The following ERMP1 variants were observed in gnomAD, a reference collection of about 807,000 sequenced individuals.
ERMP1 encodes endoplasmic reticulum metallopeptidase 1.
A neutral mutation model predicts 92.0 loss-of-function variants in ERMP1; 86 were observed. The observed-to-expected ratio is 0.93, with a 90% CI of 0.79 to 1.12. The LOEUF is 1.12. ERMP1 is among the 50% of genes most tolerant of loss of function. The pLI, the probability that ERMP1 is intolerant of heterozygous loss-of-function variation, is 0.00. For missense variants in ERMP1, 1,342 were observed against 1,116.3 expected (o/e 1.20, Z -2.88); for synonymous variants, 530 against 412.8 (o/e 1.28, Z -3.44).
At chr9:5,795,385 C>G (rs577100539) in intron 13 of ERMP1, among the ~76,000 whole-genome samples, 5 of 152,128 alleles carry the variant, frequency 3.3e-5, no homozygotes, top group Non-Finnish European at 5.9e-5. Flanking sequence ...CTAGAAGTCC[C>G]AGATAATGTA....
Position 5,798,930 on chromosome 9 carries a change from A to C in ERMP1, c.2146T>G (p.Tyr716Asp). ...DSGIWINGFD[Y>D]TGISHITPHI... ...GGGGTTATGTGAGAAATTCCAGTAT[A>C]ATCAAACCCATTGATCCATATTCCA... The change falls in exon 12 of 15, where the codon TAT becomes GAT. Residue 716 changes from tyrosine (Y) to aspartate (D), a missense_variant. By Grantham distance (160) the Tyr-to-Asp change is radical. Coordinates refer to ENST00000339450, the MANE Select transcript of ERMP1 (RefSeq NM_024896.3). 1 of 1,613,020 alleles carries C rather than the reference A, an allele frequency of 6.2e-7. No homozygotes were observed.
Position 5,823,995 on chromosome 9 carries a change from G to A in ERMP1, c.775C>T (p.His259Tyr), listed in dbSNP as rs372144973. 1.2e-6 allele frequency: 2 copies of A among 1,610,298 alleles called. No individual in the cohort carries two copies. The highest frequency in any genetic ancestry group is 1.3e-5 in the African/African-American group (1 of 74,732). Residue 259 changes from histidine to tyrosine, a missense_variant, in exon 4 of 15, where the codon CAT becomes TAT. By Grantham distance (83) the His-to-Tyr change is moderately conservative (BLOSUM62 2). Coordinates refer to ENST00000339450, the MANE Select transcript of ERMP1 (RefSeq NM_024896.3). ...GAEENVLQAS[H>Y]GFITQHPWAS... ...CAGGGGTGCTGAGTAATGAAACCAT[G>A]ACTGGCCTTAAAGAGAAGGAAAGAA... is the stretch of plus-strand genomic sequence containing the variant.
intron 6 of ERMP1, among the ~76,000 whole-genome samples, chr9:5,848,262 A>C (rs1440997678): frequency 1.3e-5 from 2 of 152,222 alleles, no homozygotes; most frequent in Non-Finnish European, 2.9e-5. Context: ...ATCTTTATGA[A>C]GGAAAGCGGG....
intron 6 of ERMP1, among the ~76,000 whole-genome samples, chr9:5,859,021 A>G (rs1830423630): frequency 6.6e-6 from 1 of 152,168 alleles, no homozygotes; most frequent in Non-Finnish European, 1.5e-5. Context: ...AGAGGTGACT[A>G]TTGTTTGCTC....
intron 4 of ERMP1, among the ~76,000 whole-genome samples, chr9:5,817,522 A>T (rs1471358905): frequency 6.6e-6 from 1 of 152,166 alleles, no homozygotes; most frequent in South Asian, 2.1e-4. Context: ...ACCCTATCCT[A>T]CCTCCACGCA....
At position 5,796,766 on chromosome 9, in the gene ERMP1, T is replaced by A. The variant is rs116773419; in HGVS notation, c.2386+1051A>T. ...AGGTGAAGCACAGGGCATTTCTAGA[T>A]GGTAAATCTATTCTGTATGATACTG... On this transcript the variant is annotated intron_variant, in intron 13 of 14. Coordinates refer to ENST00000339450, the MANE Select transcript of ERMP1 (RefSeq NM_024896.3). Among the ~76,000 whole-genome samples the A allele has an allele frequency of 5.0e-3, 756 of 152,256 alleles. 8 individuals carry two copies. Among genetic ancestry groups the A allele is most frequent in the African/African-American group, 0.017 (717 of 41,548 alleles).
In ERMP1 at chr9:5,805,156, T is replaced by C. The variant is rs1421381381; in HGVS notation, c.1785A>G (p.Ala595=). Residue 595 remains alanine, a synonymous_variant, in exon 10 of 15, where the codon GCA becomes GCG. Coordinates refer to ENST00000339450, the MANE Select transcript of ERMP1 (RefSeq NM_024896.3). ...CAAATACTGCCCAGATGAGGTACAA[T>C]GCATAAAGATAAGGAATAAACATCC... The part of the protein sequence containing the change: ...LLGMFIPYLY[A]LYLIWAVFEM... 3 of 1,613,356 alleles carry C rather than the reference T, an allele frequency of 1.9e-6. No homozygotes were observed. The Admixed American group carries it at 5.0e-5, about 27-fold the overall frequency.
At position 5,812,478 on chromosome 9, in the gene ERMP1, G is replaced by A. The variant is rs973243259; in HGVS notation, c.1022-261C>T. Among the ~76,000 whole-genome samples, 3 of 152,174 alleles carry A rather than the reference G, an allele frequency of 2.0e-5. No homozygotes were observed. In the East Asian group the frequency reaches 5.8e-4, roughly 29 times the overall value. On this transcript the variant is annotated intron_variant, in intron 5 of 14. Coordinates refer to ENST00000339450, the MANE Select transcript of ERMP1 (RefSeq NM_024896.3). ...ATTACAAGTCACACAGCAAGGATAG[G>A]AATATTGAGTTTGGGAGGTCATGAA...
intron 5 of ERMP1, among the ~76,000 whole-genome samples, chr9:5,865,677 A>G (rs1208983575): frequency 1.3e-5 from 2 of 151,168 alleles, no homozygotes; most frequent in East Asian, 1.9e-4. Flanking sequence ...GGTCTCTACT[A>G]AAATACAAAA....
intron 12 of ERMP1, among the ~76,000 whole-genome samples, 193 bp from the exon 13 acceptor site, chr9:5,798,125 G>GT (rs1247613495): frequency 1.3e-5 from 2 of 152,172 alleles, no homozygotes; most frequent in Non-Finnish European, 2.9e-5. Context: ...GAACAAAGGA[G>GT]TAACCTAGGT....
chr9:5,860,050 A>G (rs1283563726), intron 5 of ERMP1, among the ~76,000 whole-genome samples: 1 of 152,040 alleles, frequency 6.6e-6, no homozygotes, highest in Non-Finnish European at 1.5e-5. Flanking sequence ...CTATAATTTC[A>G]GCACTTTGAG....
intron 2 of ERMP1, among the ~76,000 whole-genome samples, chr9:5,828,303 C>A (rs1829804313): frequency 6.6e-6 from 1 of 152,170 alleles, no homozygotes. Context: ...TTATTTTGAG[C>A]TGAAGGCAAC....
intron 5 of ERMP1, among the ~76,000 whole-genome samples, chr9:5,860,045 A>G (rs759509671): frequency 1.3e-4 from 19 of 151,884 alleles, no homozygotes; most frequent in South Asian, 2.1e-4. Flanking sequence ...TATGTCTATA[A>G]TTTCAGCACT....
Position 5,799,010 on chromosome 9 carries a change from T to C in ERMP1, c.2068-2A>G, listed in dbSNP as rs773056104. 2 of 1,606,400 alleles carry C rather than the reference T, an allele frequency of 1.2e-6. No individual in the cohort carries two copies. Among genetic ancestry groups the C allele is most frequent in the East Asian group, 2.2e-5 (1 of 44,798 alleles). The stretch of plus-strand genomic sequence containing the variant: ...GTCATGGAATGTTCTAGTCATATGC[T>C]GAAAAAAAAAGACTAGTGAAAAAAC... On this transcript the variant is annotated splice_acceptor_variant, in intron 11 of 14. Transcript: ENST00000339450. LOFTEE classifies it high-confidence loss of function.
intron 5 of ERMP1, among the ~76,000 whole-genome samples, chr9:5,863,015 T>C (rs1830549390): frequency 6.6e-6 from 1 of 152,244 alleles, no homozygotes; most frequent in Admixed American, 6.5e-5. Context: ...CAGAGAAAGT[T>C]TCTTTTGAGC....
At chr9:5,839,633 C>A (rs897440447) in intron 6 of ERMP1, among the ~76,000 whole-genome samples, 1 of 152,070 alleles carries the variant, frequency 6.6e-6, no homozygotes, top group African/African-American at 2.4e-5. Flanking sequence ...ACTTCCTGAG[C>A]CCCCCTCTAC....
chr9:5,857,433 T>C (rs1036022815), intron 6 of ERMP1, among the ~76,000 whole-genome samples: 2 of 152,222 alleles, frequency 1.3e-5, no homozygotes, highest in African/African-American at 4.8e-5. Context: ...CAACTCTGCG[T>C]GTGTCTCAAT....
chr9:5,812,311 A>T (rs540167343), intron 5 of ERMP1, 94 bp from the exon 6 acceptor site: 1 of 699,858 alleles, frequency 1.4e-6, no homozygotes, highest in Non-Finnish European at 2.4e-6. Context: ...AAAAGACAAA[A>T]TGTCAAAGCA....
At chr9:5,833,597 T>A (rs1489057972), upstream of ERMP1, among the ~76,000 whole-genome samples, 1 of 152,270 alleles carries the variant, frequency 6.6e-6, no homozygotes, top group Middle Eastern at 3.4e-3. Flanking sequence ...TAAAGAAAAA[T>A]AATGGCTATT....
Sources: allele counts gnomAD v4.1 joint callset (sites outside exome capture counted in the v4.1 genomes callset), GRCh38; gene constraint gnomAD v4.1.1; transcripts MANE v1.5; gene names NCBI Gene and HGNC (gene_info 2026-07-23, HGNC 2026-07-21).